CACNA2D3: variants seen among roughly 807,000 people sequenced by gnomAD.
The protein encoded by CACNA2D3 is voltage-dependent calcium channel subunit alpha-2/delta-3.
A neutral mutation model predicts 160.6 loss-of-function variants in CACNA2D3; 60 were observed. The ratio of observed to expected loss-of-function variants is 0.37; its 90% CI spans 0.30 to 0.46. The LOEUF is 0.46. Among genes scored for constraint, CACNA2D3 ranks in the 20% least tolerant of loss-of-function variants. The pLI is 1.00. For missense variants in CACNA2D3, 1,205 were observed against 1,365.0 expected (o/e 0.88, Z 1.85); for synonymous variants, 558 against 492.9 (o/e 1.13, Z -1.75).
At chr3:54,206,846 A>G (rs1260444891) in intron 2 of CACNA2D3, among the ~76,000 whole-genome samples, 3 of 152,222 alleles carry the variant, frequency 2.0e-5, no homozygotes, top group African/African-American at 4.8e-5. Flanking sequence ...CAACCCCTAA[A>G]TTTCAGGAAC....
At chr3:54,870,866 A>G (rs1214582784) in intron 17 of CACNA2D3, among the ~76,000 whole-genome samples, 1 of 152,216 alleles carries the variant, frequency 6.6e-6, no homozygotes, top group Non-Finnish European at 1.5e-5. Context: ...TGCTGAGCCC[A>G]GCCCCAGCTC....
intron 12 of CACNA2D3, 135 bp from the exon 13 acceptor site, chr3:54,764,083 G>A: frequency 4.5e-6 from 4 of 881,960 alleles, no homozygotes; most frequent in South Asian, 3.6e-5. Flanking sequence ...AAAGAAAAAT[G>A]GGGGAGAGGA....
intron 2 of CACNA2D3, among the ~76,000 whole-genome samples, chr3:54,140,358 A>T (rs1699900716): frequency 6.6e-6 from 1 of 152,230 alleles, no homozygotes; most frequent in South Asian, 2.1e-4. Context: ...AAAACACTGT[A>T]GGTTCTCCAG....
intron 11 of CACNA2D3, among the ~76,000 whole-genome samples, chr3:54,723,458 C>A (rs1701214236): frequency 6.6e-6 from 1 of 152,204 alleles, no homozygotes; most frequent in African/African-American, 2.4e-5. Flanking sequence ...ACTCCTACAG[C>A]TAGTTCGGTG....
chr3:54,985,867 G>A (rs533897141), intron 30 of CACNA2D3, among the ~76,000 whole-genome samples: 3 of 152,184 alleles, frequency 2.0e-5, no homozygotes, highest in South Asian at 2.1e-4. Flanking sequence ...GTGCCCCTTG[G>A]TTGCGCTATT....
intron 9 of CACNA2D3, among the ~76,000 whole-genome samples, chr3:54,613,634 A>C (rs990564639): frequency 1.3e-5 from 2 of 152,208 alleles, no homozygotes; most frequent in Non-Finnish European, 2.9e-5. Flanking sequence ...ATCCTTAAAC[A>C]ACCACTGTAG....
intron 9 of CACNA2D3, among the ~76,000 whole-genome samples, chr3:54,585,204 A>G (rs984859259): frequency 1.3e-5 from 2 of 152,212 alleles, no homozygotes; most frequent in African/African-American, 4.8e-5. Flanking sequence ...CCCAATGTTT[A>G]TGGATGGAAT....
intron 13 of CACNA2D3, among the ~76,000 whole-genome samples, chr3:54,812,048 C>G (rs1394756788): frequency 6.6e-6 from 1 of 152,150 alleles, no homozygotes. Context: ...CTTCAATATC[C>G]TAGTGCATGG....
intron 2 of CACNA2D3, among the ~76,000 whole-genome samples, chr3:54,157,424 T>G (rs746438870): frequency 1.2e-4 from 18 of 152,190 alleles, no homozygotes; most frequent in Non-Finnish European, 2.6e-4. Flanking sequence ...CTCCAGCCCC[T>G]GTGCTTGGAT....
chr3:54,716,770 T>G (rs1701058810), intron 11 of CACNA2D3, among the ~76,000 whole-genome samples: 1 of 152,218 alleles, frequency 6.6e-6, no homozygotes. Context: ...AAGCTAAACT[T>G]TTCCCTTTGG....
chr3:54,642,601 G>A (rs539205244), intron 11 of CACNA2D3, among the ~76,000 whole-genome samples: 4 of 152,188 alleles, frequency 2.6e-5, no homozygotes, highest in East Asian at 3.9e-4. Flanking sequence ...AGTCATGGTA[G>A]CCCTGCAGGC....
At chr3:54,464,467 C>T (rs142784890) in intron 4 of CACNA2D3, among the ~76,000 whole-genome samples, 5,231 of 152,372 alleles carry the variant, frequency 0.034, 257 homozygotes, top group East Asian at 0.19. Context: ...CCTAAGCAAG[C>T]CTGGGCAATG....
chr3:54,721,918 G>A (rs1575440791), intron 11 of CACNA2D3, among the ~76,000 whole-genome samples: 1 of 152,098 alleles, frequency 6.6e-6, no homozygotes, highest in South Asian at 2.1e-4. Context: ...GAGTATCTTT[G>A]TGGTGGTCTC....
chr3:54,867,169 G>A (rs1345630992), intron 17 of CACNA2D3, among the ~76,000 whole-genome samples: 6 of 152,182 alleles, frequency 3.9e-5, no homozygotes, highest in East Asian at 3.9e-4. Flanking sequence ...AGAAGTGGTG[G>A]AGCCGAGGGA....
At chr3:54,809,485 A>C (rs1245401173) in intron 13 of CACNA2D3, among the ~76,000 whole-genome samples, 75 of 138,918 alleles carry the variant, frequency 5.4e-4, no homozygotes, top group Middle Eastern at 3.6e-3. Context: ...CGCCCGGCTA[A>C]TTTTTTGTAT....
intron 11 of CACNA2D3, among the ~76,000 whole-genome samples, chr3:54,717,719 G>A (rs575648323): frequency 1.8e-4 from 25 of 142,270 alleles, no homozygotes; most frequent in African/African-American, 6.1e-4. Context: ...GCATGTGTGC[G>A]TGTGCGGTGT....
At chr3:54,512,008 G>A (rs1701467025) in intron 5 of CACNA2D3, among the ~76,000 whole-genome samples, 1 of 152,152 alleles carries the variant, frequency 6.6e-6, no homozygotes, top group Admixed American at 6.5e-5. Context: ...GAGATTAAGA[G>A]CTACTGTCCC....
At chr3:54,136,383 T>C (rs2107260901) in intron 2 of CACNA2D3, among the ~76,000 whole-genome samples, 1 of 152,364 alleles carries the variant, frequency 6.6e-6, no homozygotes, top group East Asian at 1.9e-4. Context: ...GGGTAGAATA[T>C]CATGGTTTAG....
At chr3:54,497,188 C>G (rs1701215542) in intron 4 of CACNA2D3, among the ~76,000 whole-genome samples, 1 of 151,942 alleles carries the variant, frequency 6.6e-6, no homozygotes, top group Admixed American at 6.6e-5. Context: ...ATTTGTAGAT[C>G]ACTTTGGGAA....
Sources: gnomAD v4.1 joint callset for allele counts (sites outside exome capture counted in the v4.1 genomes callset) on GRCh38, gnomAD v4.1.1 for gene constraint, MANE v1.5 for transcripts, NCBI Gene and HGNC (gene_info 2026-07-23, HGNC 2026-07-21) for gene names.